SUPT3H: variants seen among roughly 807,000 people sequenced by gnomAD.
SUPT3H encodes SPT3 homolog, SAGA and STAGA complex component.
Under a neutral mutation model 44.3 loss-of-function variants are expected in SUPT3H, and 44 were observed. The ratio of observed to expected loss-of-function variants is 0.99; its 90% CI spans 0.78 to 1.28. SUPT3H has a LOEUF of 1.28. Ranked by LOEUF, SUPT3H falls within the 50% of genes most tolerant of loss-of-function variation. The probability of loss-of-function intolerance (pLI) is 0.00; values close to 1 mark genes in which losing one functional copy is unlikely to be tolerated. For synonymous variants in SUPT3H, 124 were observed against 125.6 expected (o/e 0.99, Z 0.09); for missense variants, 380 against 387.1 (o/e 0.98, Z 0.15).
intron 2 of SUPT3H, among the ~76,000 whole-genome samples, chr6:45,182,793 C>T (rs372783627): frequency 2.0e-5 from 3 of 152,232 alleles, no homozygotes; most frequent in African/African-American, 7.2e-5. Flanking sequence ...CAACTACATA[C>T]CTACCAGGAT....
At chr6:45,025,427 T>C (rs1181132358) in intron 3 of SUPT3H, among the ~76,000 whole-genome samples, 1 of 152,208 alleles carries the variant, frequency 6.6e-6, no homozygotes, top group Non-Finnish European at 1.5e-5. Flanking sequence ...AAATGTTTGT[T>C]AAATGTTGGC....
chr6:44,882,413 A>G (rs1165766556), intron 10 of SUPT3H, among the ~76,000 whole-genome samples: 1 of 152,206 alleles, frequency 6.6e-6, no homozygotes, highest in Admixed American at 6.5e-5. Context: ...AACCAAAAAG[A>G]GTCCAGGACC....
intron 10 of SUPT3H, among the ~76,000 whole-genome samples, chr6:44,877,337 C>T (rs1240542625): frequency 2.6e-5 from 4 of 151,996 alleles, no homozygotes; most frequent in African/African-American, 4.8e-5. Flanking sequence ...GGCGTGGTGG[C>T]GCATGCCTGT....
chr6:44,973,075 C>G (rs1562171810), intron 6 of SUPT3H, among the ~76,000 whole-genome samples: 1 of 152,154 alleles, frequency 6.6e-6, no homozygotes, highest in East Asian at 1.9e-4. Context: ...TTTATCTTTT[C>G]TATCATATCA....
At chr6:45,146,463 TATAC>T (rs1806085849) in intron 2 of SUPT3H, among the ~76,000 whole-genome samples, 1 of 151,780 alleles carries the variant, frequency 6.6e-6, no homozygotes, top group East Asian at 1.9e-4. Context: ...GATAAAAGAG[TATAC>T]ACTGGGTACA....
At chr6:45,066,196 C>T (rs1272400605) in intron 3 of SUPT3H, among the ~76,000 whole-genome samples, 1 of 150,720 alleles carries the variant, frequency 6.6e-6, no homozygotes, top group African/African-American at 2.4e-5. Flanking sequence ...ATAAACAGAG[C>T]CAAAGACAAA....
At chr6:45,289,745 C>A (rs1330192630) in intron 2 of SUPT3H, among the ~76,000 whole-genome samples, 1 of 152,100 alleles carries the variant, frequency 6.6e-6, no homozygotes. Flanking sequence ...ACGTCATATG[C>A]TATAAGTTTC....
At chr6:45,309,341 C>T (rs1008838979) in intron 2 of SUPT3H, among the ~76,000 whole-genome samples, 2 of 150,948 alleles carry the variant, frequency 1.3e-5, no homozygotes, top group African/African-American at 2.4e-5. Context: ...ATTCCAAAGC[C>T]GAAAAACACG....
At chr6:44,932,530 C>T (rs1275567372) in intron 10 of SUPT3H, 123 bp downstream of exon 10, 1 of 627,908 alleles carries the variant, frequency 1.6e-6, no homozygotes, top group Non-Finnish European at 2.6e-6. Flanking sequence ...CACTTTTATA[C>T]AACAAAATTA....
chr6:45,264,232 C>G (rs1408759738), intron 2 of SUPT3H, among the ~76,000 whole-genome samples: 2 of 152,080 alleles, frequency 1.3e-5, no homozygotes, highest in Non-Finnish European at 2.9e-5. Flanking sequence ...ATCTTGAAAT[C>G]TGTATTTTTT....
At chr6:44,897,397 T>TG (rs1469179651) in intron 10 of SUPT3H, among the ~76,000 whole-genome samples, 1 of 152,230 alleles carries the variant, frequency 6.6e-6, no homozygotes, top group Admixed American at 6.5e-5. Context: ...CTCTGAACTA[T>TG]GTTCAGCAGT....
rs1413587145 is a variant in SUPT3H at position 45,318,324 on chromosome 6, C to T, written c.101+46877G>A. 2.0e-5 allele frequency among the ~76,000 whole-genome samples: 3 copies of T among 151,840 alleles called. No homozygotes were observed. The East Asian group carries it at 5.8e-4, about 29-fold the overall frequency. Reference sequence around the variant, plus strand: ...GCAGTGAAACTATTCTGGATGACACCGTAATTTTGGAGACAGGACATTATA... The same window carrying T: ...GCAGTGAAACTATTCTGGATGACACTGTAATTTTGGAGACAGGACATTATA... On this transcript the variant is annotated intron_variant, in intron 2 of 10. Transcript: ENST00000371459.
At chr6:45,166,639 A>G (rs1367020562) in intron 2 of SUPT3H, among the ~76,000 whole-genome samples, 3 of 151,960 alleles carry the variant, frequency 2.0e-5, no homozygotes, top group African/African-American at 7.2e-5. Flanking sequence ...AGTAGAGAAA[A>G]GAGAAGAGTA....
At chr6:44,970,316 A>C (rs1777390066) in intron 6 of SUPT3H, among the ~76,000 whole-genome samples, 1 of 152,318 alleles carries the variant, frequency 6.6e-6, no homozygotes, top group South Asian at 2.1e-4. Context: ...ATCTTGGGAT[A>C]AAATGTGTGT....
intron 2 of SUPT3H, among the ~76,000 whole-genome samples, chr6:45,305,668 T>C (rs1216214884): frequency 6.6e-6 from 1 of 152,200 alleles, no homozygotes; most frequent in Non-Finnish European, 1.5e-5. Flanking sequence ...CCATACATCA[T>C]GTAACTCCTT....
At chr6:45,061,830 C>G (rs1327878204) in intron 3 of SUPT3H, among the ~76,000 whole-genome samples, 1 of 149,794 alleles carries the variant, frequency 6.7e-6, no homozygotes. Context: ...TTGTTCTGAG[C>G]TGTAAATTCA....
At chr6:44,988,271 C>T (rs35813980) in intron 6 of SUPT3H, among the ~76,000 whole-genome samples, 52,242 of 151,432 alleles carry the variant, frequency 0.34, 9,727 homozygotes, top group Admixed American at 0.42. Flanking sequence ...AACCTGTCCA[C>T]GGAACAGTTG....
At chr6:44,817,081 A>AAT (rs1434560292) in intron 11 of SUPT3H, among the ~76,000 whole-genome samples, 1 of 135,212 alleles carries the variant, frequency 7.4e-6, no homozygotes, top group African/African-American at 2.7e-5. Flanking sequence ...CAAACACACA[A>AAT]ATATATATAA....
chr6:44,818,823 CA>C (rs1370530528), intron 11 of SUPT3H, among the ~76,000 whole-genome samples: 2 of 152,126 alleles, frequency 1.3e-5, no homozygotes, highest in African/African-American at 4.8e-5. Flanking sequence ...TGGATCATAC[CA>C]AAAGCTAGTG....
Sources: allele counts gnomAD v4.1 joint callset (sites outside exome capture counted in the v4.1 genomes callset), GRCh38; gene constraint gnomAD v4.1.1; transcripts MANE v1.5; gene names NCBI Gene and HGNC (gene_info 2026-07-23, HGNC 2026-07-21).